The following PLEKHF2 variants were observed in gnomAD, a reference collection of about 807,000 sequenced individuals.
The protein encoded by PLEKHF2 is pleckstrin homology domain-containing family F member 2.
In PLEKHF2, 4 loss-of-function variants were observed where a neutral mutation model predicts 14.7. The observed-to-expected ratio is 0.27, with a 90% CI of 0.13 to 0.62. PLEKHF2 has a LOEUF of 0.62. PLEKHF2 is among the 20% of genes least tolerant of loss of function. The pLI is 0.85. For synonymous variants in PLEKHF2, 90 were observed against 103.5 expected (o/e 0.87, Z 0.79); for missense variants, 201 against 307.7 (o/e 0.65, Z 2.60).
At chr8:95,144,010 A>AT (rs1398728673) in intron 1 of PLEKHF2, among the ~76,000 whole-genome samples, 14 of 150,156 alleles carry the variant, frequency 9.3e-5, no homozygotes, top group Admixed American at 2.0e-4. Flanking sequence ...ACATTATGAG[A>AT]TTTTTTGTGT....
In PLEKHF2 at chr8:95,134,744, G is replaced by A. The variant is rs1223730584; in HGVS notation, c.-15+714G>A. ...CCAGCAATAACTTGAGTGTGCGGTGGAAGTGGGTATGAAGGTTACAGACAC... is the reference window on the plus strand; with the variant it reads ...CCAGCAATAACTTGAGTGTGCGGTGAAAGTGGGTATGAAGGTTACAGACAC... On this transcript the variant is annotated intron_variant, in intron 1 of 1. Coordinates refer to ENST00000315367, the MANE Select transcript of PLEKHF2 (RefSeq NM_024613.4). 1.8e-4 allele frequency among the ~76,000 whole-genome samples: 27 copies of A among 152,192 alleles called. 1 individual carries two copies.
rs754445472 is a variant in PLEKHF2, at chr8:95,154,037, A to G, written c.-8A>G. 6.5e-7 allele frequency: 1 copy of G among 1,543,228 alleles called. No individual in the cohort carries two copies. Among genetic ancestry groups the G allele is most frequent in the Non-Finnish European group, 8.7e-7 (1 of 1,146,202 alleles). ...TTTTTCTTTTTTTTAAAAGGCTATT[A>G]GTGAAAGATGGTGGATCGCTTGGCA... On this transcript the variant is annotated 5_prime_UTR_variant, in exon 2 of 2. Transcript: ENST00000315367. The surrounding 1 kb of genome is among the most constrained non-coding windows in gnomAD (Gnocchi z 5.6).
chr8:95,142,743 A>G (rs1416115256), intron 1 of PLEKHF2, among the ~76,000 whole-genome samples: 2 of 152,210 alleles, frequency 1.3e-5, no homozygotes, highest in Non-Finnish European at 2.9e-5. Context: ...AATCATTTAT[A>G]TATATTACCA....
At chr8:95,136,333 TACAC>T (rs34457137) in intron 1 of PLEKHF2, among the ~76,000 whole-genome samples, 3,896 of 123,784 alleles carry the variant, frequency 0.031, 71 homozygotes, top group Admixed American at 0.062. Flanking sequence ...TTATTATATA[TACAC>T]ACACACACAC....
chr8:95,142,344 C>A (rs966586737), intron 1 of PLEKHF2, among the ~76,000 whole-genome samples: 16 of 151,956 alleles, frequency 1.1e-4, no homozygotes, highest in African/African-American at 3.1e-4. Flanking sequence ...AGCGTTGGCC[C>A]CCCAGGCTCA....
rs761181654 is a variant in PLEKHF2, at chr8:95,154,574, A to G, written c.530A>G (p.Lys177Arg). 5.0e-6 allele frequency: 8 copies of G among 1,614,088 alleles called. No homozygotes were observed. Among genetic ancestry groups the G allele is most frequent in the Non-Finnish European group, 6.8e-6 (8 of 1,180,002 alleles). Reference sequence around the variant, plus strand: ...GTTAATCGTCGCCACCATTGCCGCAAATGTGGTTTTGTTGTCTGTGGGCCC... The same window carrying G: ...GTTAATCGTCGCCACCATTGCCGCAGATGTGGTTTTGTTGTCTGTGGGCCC... ...TPVNRRHHCR[K>R]CGFVVCGPCS... The change falls in exon 2 of 2, where the codon AAA (lysine) becomes AGA (arginine). Residue 177 changes from lysine to arginine, a missense_variant. Coordinates refer to ENST00000315367, the MANE Select transcript of PLEKHF2 (RefSeq NM_024613.4). The surrounding 1 kb of genome is among the most constrained non-coding windows in gnomAD (Gnocchi z 5.6).
intron 1 of PLEKHF2, among the ~76,000 whole-genome samples, chr8:95,145,516 C>T (rs1045486887): frequency 4.6e-5 from 7 of 151,670 alleles, no homozygotes; most frequent in Non-Finnish European, 8.8e-5. Flanking sequence ...CTCCACTTCT[C>T]GGGTTCAAGC....
At chr8:95,143,262 G>A (rs1810457368) in intron 1 of PLEKHF2, among the ~76,000 whole-genome samples, 1 of 152,010 alleles carries the variant, frequency 6.6e-6, no homozygotes, top group Admixed American at 6.6e-5. Context: ...ACCGTGCCCG[G>A]CTAATTTTTT....
intron 1 of PLEKHF2, among the ~76,000 whole-genome samples, chr8:95,146,542 T>G (rs1299139291): frequency 6.6e-6 from 1 of 151,864 alleles, no homozygotes; most frequent in African/African-American, 2.4e-5. Context: ...ATTTTTTATC[T>G]TCTAGTATTA....
intron 1 of PLEKHF2, among the ~76,000 whole-genome samples, chr8:95,145,199 A>T (rs1019196245): frequency 6.6e-6 from 1 of 152,116 alleles, no homozygotes; most frequent in East Asian, 1.9e-4. Context: ...TGAAGTTTCC[A>T]TGTTTCTCAA....
At chr8:95,153,806 C>A (rs1810586603) in intron 1 of PLEKHF2, among the ~76,000 whole-genome samples, 1 of 152,090 alleles carries the variant, frequency 6.6e-6, no homozygotes, top group Non-Finnish European at 1.5e-5. Flanking sequence ...ACCTGCTTAA[C>A]TAGTATGGTG....
chr8:95,151,251 C>A (rs1810559877), intron 1 of PLEKHF2, among the ~76,000 whole-genome samples: 1 of 151,990 alleles, frequency 6.6e-6, no homozygotes, highest in African/African-American at 2.4e-5. Flanking sequence ...AGTATTAATT[C>A]TCATAGTAGC....
At chr8:95,152,234 A>G (rs1208698008) in intron 1 of PLEKHF2, among the ~76,000 whole-genome samples, 1 of 152,054 alleles carries the variant, frequency 6.6e-6, no homozygotes, top group Non-Finnish European at 1.5e-5. Flanking sequence ...GTGTGTCATA[A>G]CTTTTTCAAT....
chr8:95,150,231 G>C (rs1810541301), intron 1 of PLEKHF2, among the ~76,000 whole-genome samples: 1 of 151,744 alleles, frequency 6.6e-6, no homozygotes, highest in Non-Finnish European at 1.5e-5. Flanking sequence ...TGTATTCCTG[G>C]GTTTTTTAGT....
chr8:95,138,353 T>TCCCCCC (rs61519066), intron 1 of PLEKHF2, among the ~76,000 whole-genome samples: 13 of 71,862 alleles, frequency 1.8e-4, no homozygotes, highest in South Asian at 4.9e-4. Flanking sequence ...TTCTTCATCT[T>TCCCCCC]CCCCCCCCCC....
At chr8:95,145,364 C>G (rs1810486256) in intron 1 of PLEKHF2, among the ~76,000 whole-genome samples, 1 of 152,140 alleles carries the variant, frequency 6.6e-6, no homozygotes, top group African/African-American at 2.4e-5. Flanking sequence ...CAGAAAAAAT[C>G]TTGACCTCTC....
At chr8:95,140,514 TC>T (rs1354005187) in intron 1 of PLEKHF2, among the ~76,000 whole-genome samples, 1 of 152,246 alleles carries the variant, frequency 6.6e-6, no homozygotes. Context: ...ATGGTTGCTT[TC>T]TTTTGCAGTT....
At chr8:95,135,716 A>G (rs568095974) in intron 1 of PLEKHF2, among the ~76,000 whole-genome samples, 2 of 152,342 alleles carry the variant, frequency 1.3e-5, no homozygotes, top group South Asian at 4.1e-4. Flanking sequence ...GAAATTAACT[A>G]ATTTCACAAA....
intron 1 of PLEKHF2, among the ~76,000 whole-genome samples, chr8:95,153,209 G>T (rs1226144194): frequency 6.6e-6 from 1 of 152,122 alleles, no homozygotes; most frequent in Non-Finnish European, 1.5e-5. Context: ...CACAGGAAGG[G>T]TTTTAGTCTA....
Sources: gnomAD v4.1 joint callset for allele counts (sites outside exome capture counted in the v4.1 genomes callset) on GRCh38, gnomAD v4.1.1 for gene constraint, Gnocchi (gnomAD v3.1) non-coding constraint, MANE v1.5 for transcripts, NCBI Gene and HGNC (gene_info 2026-07-23, HGNC 2026-07-21) for gene names.